The following ATP11C variants were observed in gnomAD, a reference collection of about 807,000 sequenced individuals.
ATP11C encodes the protein phospholipid-transporting ATPase IG.
Under a neutral mutation model 97.4 loss-of-function variants are expected in ATP11C, and 36 were observed. That is an observed-to-expected ratio of 0.37 (90% confidence interval 0.28 to 0.49). ATP11C has a LOEUF of 0.49. ATP11C is among the 20% of genes least tolerant of loss of function. ATP11C has a pLI of 0.98. For synonymous variants in ATP11C, 275 were observed against 290.9 expected, an observed-to-expected ratio of 0.95 and a Z score of 0.56; for missense variants, 730 against 824.6, an observed-to-expected ratio of 0.89 and a Z score of 1.40.
chrX:139,844,300 G>C (rs1412378531), intron 1 of ATP11C, among the ~76,000 whole-genome samples: 3 of 112,411 alleles, frequency 2.7e-5, no homozygotes, highest in African/African-American at 9.7e-5. Context: ...ACTCAGTTTA[G>C]GGTTGAATGC....
chrX:139,807,908 C>T (rs746406286), intron 5 of ATP11C, among the ~76,000 whole-genome samples: 8 of 105,639 alleles, frequency 7.6e-5, no homozygotes, highest in East Asian at 3.0e-4. Flanking sequence ...GCTATGGCTG[C>T]GCCACTGTAC....
chrX:139,781,442 G>A (rs940394372), intron 18 of ATP11C, among the ~76,000 whole-genome samples: 4 of 112,624 alleles, frequency 3.6e-5, no homozygotes, highest in South Asian at 3.6e-4. Flanking sequence ...GGCCAGGCAC[G>A]GCGGCTCATG....
chrX:139,873,608 TGAGGCAGAGAATTGCTTGAACCTGG>T (rs1382748770), intron 1 of ATP11C, among the ~76,000 whole-genome samples: 1 of 102,280 alleles, frequency 9.8e-6, no homozygotes, highest in Non-Finnish European at 1.9e-5. Context: ...CTTAAGAGGC[TGAGGCAGAGAATTGCTTGAACCTGG>T]GAGGCAGAGG....
intron 1 of ATP11C, among the ~76,000 whole-genome samples, chrX:139,921,905 T>G (rs2085264393): frequency 1.8e-5 from 2 of 110,249 alleles, no homozygotes; most frequent in African/African-American, 3.3e-5. Context: ...TCTGCCTTAC[T>G]GTCTCTGCAC....
chrX:139,921,178 G>A (rs1047616124), intron 1 of ATP11C, among the ~76,000 whole-genome samples: 2 of 111,593 alleles, frequency 1.8e-5, no homozygotes, highest in Non-Finnish European at 3.8e-5. Context: ...ACTAAGCATG[G>A]TGTCGTGATG....
intron 1 of ATP11C, among the ~76,000 whole-genome samples, chrX:139,859,801 A>G (rs1417070844): frequency 8.9e-6 from 1 of 112,089 alleles, no homozygotes; most frequent in Non-Finnish European, 1.9e-5. Flanking sequence ...TATATGGCAC[A>G]AATGAAAAGA....
intron 12 of ATP11C, among the ~76,000 whole-genome samples, chrX:139,794,712 G>T (rs1313388430): frequency 8.9e-6 from 1 of 112,023 alleles, no homozygotes; most frequent in Non-Finnish European, 1.9e-5. Flanking sequence ...AGGTAATATG[G>T]AATCTGCTGA....
intron 5 of ATP11C, 65 bp downstream of exon 5, chrX:139,814,813 T>G (rs1380188887): frequency 1.6e-6 from 1 of 629,508 alleles, no homozygotes; most frequent in African/African-American, 2.3e-5. Flanking sequence ...TAAATGACAC[T>G]AAATTATACA....
At chrX:139,800,607 G>A (rs2082906883) in intron 7 of ATP11C, among the ~76,000 whole-genome samples, 2 of 111,537 alleles carry the variant, frequency 1.8e-5, no homozygotes, top group Non-Finnish European at 3.8e-5. Context: ...CAGTAATGCT[G>A]CTGCTGCTGG....
At position 139,747,689 on chromosome X, in the gene ATP11C, C is replaced by T. The variant is rs186508253; in HGVS notation, c.2829-1832G>A. ...TGGTAATACCCAAGTCACTAAATCA[C>T]CAAAGGTAAAATCTATAATACACTA... On this transcript the variant is annotated intron_variant, in intron 24 of 29. Coordinates refer to ENST00000682941, the MANE Select transcript of ATP11C (RefSeq NM_001353812.2). Among the ~76,000 whole-genome samples, 4 of 109,195 alleles carry T rather than the reference C, an allele frequency of 3.7e-5. No individual in the cohort carries two copies. The East Asian group carries it at 1.4e-3, about 37-fold the overall frequency. The allele number at this position is 109,195 out of a possible 115,157, so 94.8% of individuals were successfully genotyped here.
At position 139,743,619 on chromosome X, in the gene ATP11C, G is replaced by A. The variant is rs140943764; in HGVS notation, c.2970C>T (p.Tyr990=). 2.7e-6 allele frequency: 3 copies of A among 1,130,213 alleles called. No individual in the cohort carries two copies. Among genetic ancestry groups the A allele is most frequent in the African/African-American group, 1.8e-5 (1 of 55,486 alleles). The allele number at this position is 1,130,213 out of a possible 1,213,427, so 93.1% of individuals were successfully genotyped here. ...TASLEENGKV[Y]GNWTFGTIVF... ...CAATGGTTCCAAAAGTCCAGTTTCC[G>A]TATACCTGAAAAACATTTAATAATT... The change falls in exon 26 of 30, where the codon TAC becomes TAT. Residue 990 remains tyrosine (Y), a synonymous_variant. Transcript: ENST00000682941.
intron 29 of ATP11C, among the ~76,000 whole-genome samples, chrX:139,729,356 C>T (rs2081297416): frequency 9.0e-6 from 1 of 111,647 alleles, no homozygotes; most frequent in Non-Finnish European, 1.9e-5. Context: ...GTGTCTGGCA[C>T]ACAGCAGATA....
chrX:139,840,930 T>C (rs1460360671), intron 1 of ATP11C, among the ~76,000 whole-genome samples: 3 of 110,739 alleles, frequency 2.7e-5, no homozygotes, highest in Non-Finnish European at 5.7e-5. Flanking sequence ...GCTCGGGTGA[T>C]GGGTGCACCA....
intron 1 of ATP11C, among the ~76,000 whole-genome samples, chrX:139,873,679 G>T (rs1279068123): frequency 1.1e-5 from 1 of 93,592 alleles, no homozygotes; most frequent in Non-Finnish European, 2.1e-5. Context: ...TGCACTCCAG[G>T]CTGGGTAACA....
At position 139,726,620 on chromosome X, in the gene ATP11C, G is replaced by A. The variant is rs920524001; in HGVS notation, c.*2346C>T. ...AATTATTACGAATTTTGCAAAGTTA[G>A]GCTTACATTTATACTGTTGCTGGTG... On this transcript the variant is annotated 3_prime_UTR_variant, in exon 30 of 30. Transcript: ENST00000682941. The A allele has an allele frequency of 2.7e-5, 3 of 112,433 alleles. No individual in the cohort carries two copies. The highest frequency in any genetic ancestry group is 9.7e-5 in the African/African-American group (3 of 30,906). 9.3% of individuals were successfully genotyped at this position (112,433 alleles called of 1,213,427 possible).
intron 23 of ATP11C, among the ~76,000 whole-genome samples, chrX:139,751,771 T>C (rs1239619361): frequency 9.3e-6 from 1 of 106,971 alleles, no homozygotes; most frequent in African/African-American, 3.6e-5. Flanking sequence ...CCTGTTACAA[T>C]GTTTCCTTTT....
chrX:139,865,396 A>G (rs2084263905), intron 1 of ATP11C, among the ~76,000 whole-genome samples: 1 of 111,836 alleles, frequency 8.9e-6, no homozygotes, highest in African/African-American at 3.3e-5. Context: ...TTTGTCCTTT[A>G]GGTATTCACA....
At chrX:139,871,269 C>T (rs897756710) in intron 1 of ATP11C, among the ~76,000 whole-genome samples, 5 of 104,866 alleles carry the variant, frequency 4.8e-5, no homozygotes, top group African/African-American at 1.4e-4. Flanking sequence ...AGTGCAGTGG[C>T]GTGATCTCGG....
intron 1 of ATP11C, among the ~76,000 whole-genome samples, chrX:139,894,458 G>C (rs371358170): frequency 7.1e-5 from 8 of 111,999 alleles, no homozygotes; most frequent in South Asian, 3.7e-4. Context: ...TGAAGATAGA[G>C]AGTAGACTGG....
Sources: allele counts gnomAD v4.1 joint callset (sites outside exome capture counted in the v4.1 genomes callset), GRCh38; gene constraint gnomAD v4.1.1; transcripts MANE v1.5; gene names NCBI Gene and HGNC (gene_info 2026-07-23, HGNC 2026-07-21).